Variants in MAGI2 observed in about 807,000 individuals in gnomAD.
MAGI2 encodes the protein membrane associated guanylate kinase, WW and PDZ domain containing 2.
In MAGI2, 35 loss-of-function variants were observed where a neutral mutation model predicts 133.3. That is an observed-to-expected ratio of 0.26 (90% confidence interval 0.20 to 0.35). The LOEUF (loss-of-function observed/expected upper bound fraction) is 0.35. Among genes scored for constraint, MAGI2 ranks in the 10% least tolerant of loss-of-function variants. The pLI, the probability that MAGI2 is intolerant of heterozygous loss-of-function variation, is 1.00. For synonymous variants in MAGI2, 729 were observed against 710.6 expected (o/e 1.03, Z -0.41); for missense variants, 1,636 against 1,863.4 (o/e 0.88, Z 2.25).
At chr7:78,073,155 T>C (rs890910728) in intron 21 of MAGI2, among the ~76,000 whole-genome samples, 4 of 152,192 alleles carry the variant, frequency 2.6e-5, no homozygotes, top group African/African-American at 9.7e-5. Context: ...CTCAGATCGA[T>C]CTGTTTCTCC....
chr7:79,211,727 T>TA (rs918104283), intron 1 of MAGI2, among the ~76,000 whole-genome samples: 1 of 151,924 alleles, frequency 6.6e-6, no homozygotes, highest in Non-Finnish European at 1.5e-5. Context: ...ACAACAACAA[T>TA]AAAAAAAGAT....
chr7:78,088,046 A>C (rs1320564464), intron 20 of MAGI2, among the ~76,000 whole-genome samples: 2 of 152,204 alleles, frequency 1.3e-5, no homozygotes, highest in African/African-American at 2.4e-5. Context: ...TTAGGTCATG[A>C]AGTCAGTTTC....
Position 78,495,972 on chromosome 7 carries a change from A to G in MAGI2, c.965+5605T>C, listed in dbSNP as rs572988236. Among the ~76,000 whole-genome samples the G allele has an allele frequency of 3.2e-4, 48 of 152,344 alleles. No individual in the cohort carries two copies. The East Asian group carries it at 9.3e-3, about 29-fold the overall frequency. On this transcript the variant is annotated intron_variant, in intron 5 of 21. Coordinates refer to ENST00000354212, the MANE Select transcript of MAGI2 (RefSeq NM_012301.4). The stretch of plus-strand genomic sequence containing the variant: ...TAGACCAGATTTTGTGACTAGTACG[A>G]TATGTCAAGTATAGAATGAGAAAGT...
intron 21 of MAGI2, among the ~76,000 whole-genome samples, chr7:78,076,654 G>A (rs1189061982): frequency 6.7e-6 from 1 of 149,952 alleles, no homozygotes; most frequent in Admixed American, 6.6e-5. Context: ...AGACCATCCT[G>A]GCTAACAAGG....
At chr7:79,205,918 TA>T (rs1404692994) in intron 1 of MAGI2, among the ~76,000 whole-genome samples, 4 of 150,356 alleles carry the variant, frequency 2.7e-5, no homozygotes, top group Non-Finnish European at 5.9e-5. Flanking sequence ...ACATATCAAT[TA>T]AAAAAATCAC....
intron 1 of MAGI2, among the ~76,000 whole-genome samples, chr7:79,223,146 A>C (rs552350208): frequency 6.6e-6 from 1 of 152,086 alleles, no homozygotes; most frequent in Admixed American, 6.5e-5. Context: ...CGGCCTCCCA[A>C]AGTGCTGGGA....
At chr7:78,257,617 CTGTT>C (rs925394653) in intron 9 of MAGI2, among the ~76,000 whole-genome samples, 3 of 152,004 alleles carry the variant, frequency 2.0e-5, no homozygotes, top group Non-Finnish European at 2.9e-5. Flanking sequence ...AAAATCATGG[CTGTT>C]TGAGATAAAT....
At chr7:78,450,203 T>A (rs544617286) in intron 6 of MAGI2, among the ~76,000 whole-genome samples, 2 of 152,142 alleles carry the variant, frequency 1.3e-5, no homozygotes, top group South Asian at 4.1e-4. Context: ...TGTATTGTGA[T>A]GAACAATACA....
At chr7:78,489,339 C>T (rs1026614535) in intron 6 of MAGI2, among the ~76,000 whole-genome samples, 3 of 152,022 alleles carry the variant, frequency 2.0e-5, no homozygotes, top group Non-Finnish European at 4.4e-5. Flanking sequence ...CTTTATATTT[C>T]TGAGTCCTTA....
intron 7 of MAGI2, chr7:78,359,195 A>G (rs1482106011): frequency 6.6e-6 from 1 of 152,208 alleles, no homozygotes; most frequent in Non-Finnish European, 1.5e-5. Flanking sequence ...AATATTGGCA[A>G]AAGGGACCTG....
chr7:78,640,294 AC>A (rs1279653379), intron 2 of MAGI2, among the ~76,000 whole-genome samples: 29 of 135,152 alleles, frequency 2.1e-4, no homozygotes, highest in African/African-American at 6.7e-4. Context: ...TAATAAAAAA[AC>A]AAAAAACAAA....
At chr7:78,355,043 T>C (rs1346495087) in intron 7 of MAGI2, among the ~76,000 whole-genome samples, 2 of 152,224 alleles carry the variant, frequency 1.3e-5, no homozygotes, top group Non-Finnish European at 2.9e-5. Context: ...ATTGGTTTAT[T>C]GGGGATAGGT....
At chr7:78,851,222 C>T (rs1793103921) in intron 2 of MAGI2, among the ~76,000 whole-genome samples, 1 of 147,552 alleles carries the variant, frequency 6.8e-6, no homozygotes, top group Admixed American at 6.9e-5. Context: ...AAGGGATTTT[C>T]TTGCCACCTT....
chr7:78,335,768 C>T (rs1336827176), intron 9 of MAGI2, among the ~76,000 whole-genome samples: 2 of 151,868 alleles, frequency 1.3e-5, no homozygotes, highest in Non-Finnish European at 2.9e-5. Context: ...AAATATATTG[C>T]AATAAAGAAA....
chr7:78,252,656 C>T (rs1446261452), intron 10 of MAGI2: 9 of 151,392 alleles, frequency 5.9e-5, no homozygotes, highest in Admixed American at 5.9e-4. Flanking sequence ...AAAAAAAAAA[C>T]TTGGGCCAGG....
At chr7:78,164,142 A>C (rs1379170775) in intron 15 of MAGI2, among the ~76,000 whole-genome samples, 1 of 152,150 alleles carries the variant, frequency 6.6e-6, no homozygotes, top group Non-Finnish European at 1.5e-5. Flanking sequence ...CTCAGGGCTG[A>C]AGGAACTTGT....
chr7:78,406,418 A>G (rs935316964), intron 6 of MAGI2, among the ~76,000 whole-genome samples: 2 of 152,104 alleles, frequency 1.3e-5, no homozygotes, highest in Non-Finnish European at 2.9e-5. Flanking sequence ...CCTTTAAAAC[A>G]TGGACAAAAA....
intron 1 of MAGI2, among the ~76,000 whole-genome samples, chr7:79,402,455 C>T (rs1169878858): frequency 6.6e-6 from 1 of 152,054 alleles, no homozygotes; most frequent in Non-Finnish European, 1.5e-5. Flanking sequence ...ATTTAATCCT[C>T]CTACCACTTA....
At chr7:79,199,020 T>A (rs1828353229) in intron 1 of MAGI2, among the ~76,000 whole-genome samples, 1 of 151,884 alleles carries the variant, frequency 6.6e-6, no homozygotes, top group Non-Finnish European at 1.5e-5. Flanking sequence ...GGAGAAAAAG[T>A]TTATTATCTC....
Sources: allele counts gnomAD v4.1 joint callset (sites outside exome capture counted in the v4.1 genomes callset), GRCh38; gene constraint gnomAD v4.1.1; transcripts MANE v1.5; gene names NCBI Gene and HGNC (gene_info 2026-07-23, HGNC 2026-07-21).